GALNT9: variants seen among roughly 807,000 people sequenced by gnomAD.
The protein encoded by GALNT9 is GalNAc transferase 9.
In GALNT9, 47 loss-of-function variants were observed where a neutral mutation model predicts 63.1. The ratio of observed to expected loss-of-function variants is 0.75; its 90% CI spans 0.59 to 0.95. The LOEUF is 0.95. Ranked by LOEUF, GALNT9 falls within the 40% of genes least tolerant of loss-of-function variation. The probability of loss-of-function intolerance (pLI) is 0.00; values close to 1 mark genes in which losing one functional copy is unlikely to be tolerated. For missense variants in GALNT9, 829 were observed against 874.8 expected (o/e 0.95, Z 0.66); for synonymous variants, 396 against 365.7 (o/e 1.08, Z -0.94).
intron 2 of GALNT9, among the ~76,000 whole-genome samples, chr12:132,263,829 G>A (rs914484304): frequency 6.6e-6 from 1 of 152,192 alleles, no homozygotes; most frequent in Non-Finnish European, 1.5e-5. Context: ...ACGCCTCCTC[G>A]GAGCAGTGGA....
chr12:132,319,209 C>T lies in GALNT9; in HGVS notation c.238+9757G>A, dbSNP rs548803747. On this transcript the variant is annotated intron_variant, in intron 1 of 10. Coordinates refer to ENST00000328957, the MANE Select transcript of GALNT9 (RefSeq NM_001122636.2). The surrounding 1 kb of genome is among the most constrained non-coding windows in gnomAD (Gnocchi z 5.2). ...TGGCTGGAAGTATTGCTTCCAGGTGCGTCTGTGCGAGATTTGAGTCTGAAT... is the reference window on the plus strand; with the variant it reads ...TGGCTGGAAGTATTGCTTCCAGGTGTGTCTGTGCGAGATTTGAGTCTGAAT... Among the ~76,000 whole-genome samples, 2 of 152,222 alleles carry T rather than the reference C, an allele frequency of 1.3e-5. No homozygotes were observed. The highest frequency in any genetic ancestry group is 1.9e-4 in the East Asian group (1 of 5,180).
At chr12:132,267,501 A>G (rs557732984) in intron 2 of GALNT9, among the ~76,000 whole-genome samples, 1 of 152,342 alleles carries the variant, frequency 6.6e-6, no homozygotes, top group African/African-American at 2.4e-5. Context: ...GCTTCACGGT[A>G]GAACCTGAGC....
chr12:132,286,099 CGGCGGGCGTGGGGGGCGGTCACTTCCCT>C lies in GALNT9; in HGVS notation c.419+123_419+150del, dbSNP rs1566013249. On this transcript the variant is annotated intron_variant, in intron 2 of 10. Coordinates refer to ENST00000328957, the MANE Select transcript of GALNT9 (RefSeq NM_001122636.2). The surrounding 1 kb of genome is among the most constrained non-coding windows in gnomAD (Gnocchi z 7.4). ...CCAGCGTGGGGGGCGGTCACTTCCCCGGCGGGCGTGGGGGGCGGTCACTTCCCTGGCGGGCGTGGGGGCCGCTCACTTC... is the reference window on the plus strand; with the variant it reads ...CCAGCGTGGGGGGCGGTCACTTCCCCGGCGGGCGTGGGGGCCGCTCACTTC... 30 of 1,034,188 alleles carry C rather than the reference CGGCGGGCGTGGGGGGCGGTCACTTCCCT, an allele frequency of 2.9e-5. No individual in the cohort carries two copies. The highest frequency in any genetic ancestry group is 9.0e-5 in the South Asian group (5 of 55,496). The allele number at this position is 1,034,188 out of a possible 1,614,324, so 64.1% of individuals were successfully genotyped here.
At chr12:132,235,355 C>G (rs1877964431) in intron 6 of GALNT9, among the ~76,000 whole-genome samples, 2 of 152,186 alleles carry the variant, frequency 1.3e-5, no homozygotes, top group South Asian at 4.2e-4. Context: ...AGGCAGCTTC[C>G]AAACAAACTG....
In GALNT9 at chr12:132,238,149, G is replaced by A. The variant is rs896318171; in HGVS notation, c.1077+9761C>T. Reference sequence around the variant, plus strand: ...GACATAGTCATGACCTTACAGCAACGAGCCTGGCTGATGCTTCCAAGGCTA... The same window carrying A: ...GACATAGTCATGACCTTACAGCAACAAGCCTGGCTGATGCTTCCAAGGCTA... On this transcript the variant is annotated intron_variant, in intron 6 of 10. Coordinates refer to ENST00000328957, the MANE Select transcript of GALNT9 (RefSeq NM_001122636.2). The surrounding 1 kb of genome is among the most constrained non-coding windows in gnomAD (Gnocchi z 6.5). Among the ~76,000 whole-genome samples, 1 of 152,226 alleles carries A rather than the reference G, an allele frequency of 6.6e-6. No individual in the cohort carries two copies. The highest frequency in any genetic ancestry group is 2.4e-5 in the African/African-American group (1 of 41,450).
chr12:132,236,518 C>G lies in GALNT9; in HGVS notation c.1077+11392G>C, dbSNP rs1396111356. Among the ~76,000 whole-genome samples, 6 of 152,158 alleles carry G rather than the reference C, an allele frequency of 3.9e-5. No homozygotes were observed. The highest frequency in any genetic ancestry group is 1.4e-4 in the African/African-American group (6 of 41,440). ...AGACGTGGGGGGATGGCGTCTCTCCCTCCCCCAGCCCTTTCCCCTTCCTTC... is the reference window on the plus strand; with the variant it reads ...AGACGTGGGGGGATGGCGTCTCTCCGTCCCCCAGCCCTTTCCCCTTCCTTC... On this transcript the variant is annotated intron_variant, in intron 6 of 10. Coordinates refer to ENST00000328957, the MANE Select transcript of GALNT9 (RefSeq NM_001122636.2). The surrounding 1 kb of genome is among the most constrained non-coding windows in gnomAD (Gnocchi z 5.6).
chr12:132,313,764 A>G (rs1383479420), intron 1 of GALNT9, among the ~76,000 whole-genome samples: 1 of 130,424 alleles, frequency 7.7e-6, no homozygotes, highest in Non-Finnish European at 1.6e-5. Context: ...CCACCCATCC[A>G]CCCAGCCATC....
chr12:132,240,568 G>T (rs2136898671), intron 6 of GALNT9: 1 of 450,372 alleles, frequency 2.2e-6, no homozygotes, highest in Non-Finnish European at 4.5e-6. Flanking sequence ...TGTGGGCTCC[G>T]TGCGTGGCCC....
chr12:132,247,702 C>T (rs552474801), intron 6 of GALNT9: 292 of 779,826 alleles, frequency 3.7e-4, no homozygotes, highest in Non-Finnish European at 5.2e-4. Context: ...GCCCTCACCC[C>T]GTCCCCAGAC....
chr12:132,204,797 C>T (rs1876541245), intron 6 of GALNT9, among the ~76,000 whole-genome samples: 1 of 152,192 alleles, frequency 6.6e-6, no homozygotes, highest in African/African-American at 2.4e-5. Context: ...CGATGCCACC[C>T]ACGGGCTGAC....
chr12:132,296,413 T>C lies in GALNT9; in HGVS notation c.239-9983A>G, dbSNP rs1881078993. Reference sequence around the variant, plus strand: ...GCTGTGGGCTCTTCCCCGGATCTCATGGGTGTCTTCCTGGGCTGCGTGATA... The same window carrying C: ...GCTGTGGGCTCTTCCCCGGATCTCACGGGTGTCTTCCTGGGCTGCGTGATA... On this transcript the variant is annotated intron_variant, in intron 1 of 10. Coordinates refer to ENST00000328957, the MANE Select transcript of GALNT9 (RefSeq NM_001122636.2). The surrounding 1 kb of genome is among the most constrained non-coding windows in gnomAD (Gnocchi z 4.2). Among the ~76,000 whole-genome samples, 1 of 152,254 alleles carries C rather than the reference T, an allele frequency of 6.6e-6. No homozygotes were observed.
intron 3 of GALNT9, 35 bp downstream of exon 3, chr12:132,262,424 C>G: frequency 6.5e-7 from 1 of 1,529,658 alleles, no homozygotes; most frequent in Non-Finnish European, 8.8e-7. Context: ...AGGCAGCCGC[C>G]CGGCGAGCAC....
chr12:132,320,788 G>T (rs931130942), intron 1 of GALNT9, among the ~76,000 whole-genome samples: 20 of 152,264 alleles, frequency 1.3e-4, no homozygotes, highest in African/African-American at 4.8e-4. Flanking sequence ...TCAGAGGCGA[G>T]GGGAGGTGGG....
intron 6 of GALNT9, among the ~76,000 whole-genome samples, chr12:132,213,485 CA>C (rs1724201577): frequency 9.3e-5 from 14 of 151,292 alleles, no homozygotes; most frequent in South Asian, 2.1e-4. Flanking sequence ...CACACCCACA[CA>C]CACGCACTCC....
In GALNT9 at chr12:132,236,157, C is replaced by CTGGA. The variant is rs1310263294; in HGVS notation, c.1077+11749_1077+11752dup. ...GGGACAGGGCAGAAGATCCCCTGGG[C>CTGGA]TGGAGTTCAAGGTCAGACGGGCCTT... On this transcript the variant is annotated intron_variant, in intron 6 of 10. Transcript: ENST00000328957. The surrounding 1 kb of genome is among the most constrained non-coding windows in gnomAD (Gnocchi z 5.6). Among the ~76,000 whole-genome samples the CTGGA allele has an allele frequency of 6.6e-6, 1 of 152,052 alleles. No homozygotes were observed. Among genetic ancestry groups the CTGGA allele is most frequent in the Non-Finnish European group, 1.5e-5 (1 of 68,004 alleles).
At chr12:132,198,032 C>T (rs894401304) in intron 9 of GALNT9, 73 bp from the exon 10 acceptor site, 45 of 1,302,936 alleles carry the variant, frequency 3.5e-5, no homozygotes, top group African/African-American at 1.2e-4. Flanking sequence ...ACAGGCCGTG[C>T]GAGCTGCCTT....
At chr12:132,314,907 G>C (rs1555245599) in intron 1 of GALNT9, among the ~76,000 whole-genome samples, 1 of 152,246 alleles carries the variant, frequency 6.6e-6, no homozygotes, top group Non-Finnish European at 1.5e-5. Flanking sequence ...TGGCGGAAAT[G>C]AGAAACCACA....
At chr12:132,207,142 G>A (rs1353116137) in intron 6 of GALNT9, among the ~76,000 whole-genome samples, 1 of 152,172 alleles carries the variant, frequency 6.6e-6, no homozygotes, top group Non-Finnish European at 1.5e-5. Flanking sequence ...ATCCTGTTTA[G>A]AGCCGCCGTC....
intron 6 of GALNT9, among the ~76,000 whole-genome samples, chr12:132,243,669 C>T (rs1878566769): frequency 6.6e-6 from 1 of 152,144 alleles, no homozygotes; most frequent in Non-Finnish European, 1.5e-5. Flanking sequence ...CAGGCTTTAA[C>T]CCCAACTGTG....
Sources: allele counts gnomAD v4.1 joint callset (sites outside exome capture counted in the v4.1 genomes callset), GRCh38; gene constraint gnomAD v4.1.1; non-coding constraint Gnocchi (gnomAD v3.1); transcripts MANE v1.5; gene names NCBI Gene and HGNC (gene_info 2026-07-23, HGNC 2026-07-21).